SLC25A46: variants seen among roughly 807,000 people sequenced by gnomAD.
SLC25A46 encodes mitochondrial outer membrane protein SLC25A46.
Under a neutral mutation model 44.6 loss-of-function variants are expected in SLC25A46, and 39 were observed. That is an observed-to-expected ratio of 0.87 (90% CI 0.68 to 1.14). The LOEUF is 1.14. Ranked by LOEUF, SLC25A46 falls within the 50% of genes most tolerant of loss-of-function variation. SLC25A46 has a pLI of 0.00. For missense variants in SLC25A46, 547 were observed against 522.7 expected (o/e 1.05, Z -0.45); for synonymous variants, 202 against 185.8 (o/e 1.09, Z -0.71).
At chr5:110,745,276 C>T (rs1439053267) in intron 3 of SLC25A46, among the ~76,000 whole-genome samples, 1 of 151,684 alleles carries the variant, frequency 6.6e-6, no homozygotes, top group Non-Finnish European at 1.5e-5. Context: ...TTGTTTGAGA[C>T]GGAGTCTCGC....
In SLC25A46 at chr5:110,761,130, C is replaced by A. The variant is rs1439356588; in HGVS notation, c.679-74C>A. On this transcript the variant is annotated intron_variant, in intron 7 of 7. Transcript: ENST00000355943. This position sits in a 1 kb window ranked among gnomAD's most constrained non-coding sequence, Gnocchi z 5.3. ...TCACTATGTTAGGATTTAAAAGGAA[C>A]CTAAAAAGAGTCCTTTTTCTGTGGC... 6.0e-6 allele frequency: 7 copies of A among 1,160,672 alleles called. No homozygotes were observed. The highest frequency in any genetic ancestry group is 2.1e-4 in the Middle Eastern group (1 of 4,664). The allele number at this position is 1,160,672 out of a possible 1,614,324, so 71.9% of individuals were successfully genotyped here. A position where few individuals can be genotyped will look rare whatever the true frequency, so the allele number is the denominator to read the frequency against.
intron 5 of SLC25A46, among the ~76,000 whole-genome samples, chr5:110,751,552 T>C (rs141348997): frequency 6.6e-6 from 1 of 152,246 alleles, no homozygotes; most frequent in East Asian, 1.9e-4. Flanking sequence ...CTGTAGGCCA[T>C]TTTAAGAATA....
intron 5 of SLC25A46, among the ~76,000 whole-genome samples, chr5:110,753,121 A>T (rs550458227): frequency 6.6e-6 from 1 of 152,118 alleles, no homozygotes; most frequent in Non-Finnish European, 1.5e-5. Flanking sequence ...AGATTTAATG[A>T]CATGCAGATT....
Position 110,739,420 on chromosome 5 carries a change from C to T in SLC25A46, c.283+18C>T. On this transcript the variant is annotated intron_variant, in intron 1 of 7. Transcript: ENST00000355943. ...GAGCAGTGGTGAGAAGCATGGGGAC[C>T]GACACAGGGATGAGGGGTTACTGGG... 2 of 1,535,208 alleles carry T rather than the reference C, an allele frequency of 1.3e-6. No individual in the cohort carries two copies. Among genetic ancestry groups the T allele is most frequent in the Non-Finnish European group, 1.7e-6 (2 of 1,146,806 alleles).
chr5:110,761,777 A>G lies in SLC25A46; in HGVS notation c.1252A>G (p.Ile418Val), dbSNP rs1450034236. 1.2e-6 allele frequency: 2 copies of G among 1,604,132 alleles called. No individual in the cohort carries two copies. The highest frequency in any genetic ancestry group is 1.7e-6 in the Non-Finnish European group (2 of 1,175,176). Reference sequence around the variant, plus strand: ...TTACTCTACACTTCTTCAAAATAACATTTGAGATTTAGGTTCCTTCACTGA... The same window carrying G: ...TTACTCTACACTTCTTCAAAATAACGTTTGAGATTTAGGTTCCTTCACTGA... Reference protein sequence around the residue: ...IIYSTLLQNNI With the variant: ...IIYSTLLQNNV Residue 418 changes from isoleucine to valine, a missense_variant, in exon 8 of 8, where the codon ATT (isoleucine) becomes GTT (valine). Coordinates refer to ENST00000355943, the MANE Select transcript of SLC25A46 (RefSeq NM_138773.4). The surrounding 1 kb of genome is among the most constrained non-coding windows in gnomAD (Gnocchi z 5.3).
intron 1 of SLC25A46, 79 bp from the exon 2 acceptor site, chr5:110,741,967 TG>T: frequency 4.1e-6 from 4 of 980,324 alleles, no homozygotes; most frequent in Non-Finnish European, 4.6e-6. Context: ...TTTTTAAAAT[TG>T]TTTTGAGACT....
At chr5:110,746,038 TA>T (rs1799808672) in intron 3 of SLC25A46, 2 of 441,178 alleles carry the variant, frequency 4.5e-6, no homozygotes, top group Non-Finnish European at 8.0e-6. Context: ...TAGTCTACAG[TA>T]CTGTGTGTAT....
intron 5 of SLC25A46, among the ~76,000 whole-genome samples, chr5:110,748,915 TC>T: frequency 6.6e-6 from 1 of 152,302 alleles, no homozygotes; most frequent in South Asian, 2.1e-4. Context: ...GGAATGTGTT[TC>T]TTTTTTTAAT....
At position 110,755,062 on chromosome 5, in the gene SLC25A46, A is replaced by G. The variant is rs138148366; in HGVS notation, c.564-403A>G. ...ACATAAATGTAATGTGTCAGCCTGC[A>G]TTAGAGTTACTTAACTTTTTTAAAA... is the stretch of plus-strand genomic sequence containing the variant. On this transcript the variant is annotated intron_variant, in intron 5 of 7. Coordinates refer to ENST00000355943, the MANE Select transcript of SLC25A46 (RefSeq NM_138773.4). 739 of 155,838 alleles carry G rather than the reference A, an allele frequency of 4.7e-3. 4 individuals are homozygous for G. Among genetic ancestry groups the G allele is most frequent in the Middle Eastern group, 9.5e-3 (3 of 316 alleles). 9.7% of individuals were successfully genotyped at this position (155,838 alleles called of 1,614,324 possible).
Position 110,739,227 on chromosome 5 carries a change from G to C in SLC25A46, c.108G>C (p.Gly36=), listed in dbSNP as rs1799536788. Residue 36 remains glycine (G), a synonymous_variant, in exon 1 of 8, where the codon GGG becomes GGC. Coordinates refer to ENST00000355943, the MANE Select transcript of SLC25A46 (RefSeq NM_138773.4). ...GAFPARSFST[G]SDLGHWVTTP... ...TCCCTGCAAGGTCCTTCAGCACCGG[G>C]TCGGACCTGGGCCACTGGGTGACGA... 2 of 1,577,036 alleles carry C rather than the reference G, an allele frequency of 1.3e-6. No individual in the cohort carries two copies. The highest frequency in any genetic ancestry group is 1.7e-6 in the Non-Finnish European group (2 of 1,161,928).
In SLC25A46 at chr5:110,761,225, A is replaced by G. The variant is rs766100554; in HGVS notation, c.700A>G (p.Thr234Ala). ...TCAGAGTGAGATAATTCGAGATAATACTGGCATTTTGGAGTGTGTTAAAGA... is the reference window on the plus strand; with the variant it reads ...TCAGAGTGAGATAATTCGAGATAATGCTGGCATTTTGGAGTGTGTTAAAGA... The part of the protein sequence containing the change: ...TVQSEIIRDN[T>A]GILECVKEGI... Residue 234 changes from threonine (T) to alanine (A), a missense_variant, in exon 8 of 8, where the codon ACT becomes GCT. Physicochemically the swap from Thr to Ala is moderately conservative, Grantham distance 58 (BLOSUM62 0). Coordinates refer to ENST00000355943, the MANE Select transcript of SLC25A46 (RefSeq NM_138773.4). This position sits in a 1 kb window ranked among gnomAD's most constrained non-coding sequence, Gnocchi z 5.3. 2 of 1,603,276 alleles carry G rather than the reference A, an allele frequency of 1.2e-6. No individual in the cohort carries two copies. Among genetic ancestry groups the G allele is most frequent in the African/African-American group, 2.7e-5 (2 of 74,416 alleles).
intron 1 of SLC25A46, among the ~76,000 whole-genome samples, chr5:110,740,717 C>T (rs1042012308): frequency 6.6e-5 from 10 of 151,784 alleles, no homozygotes; most frequent in African/African-American, 2.2e-4. Context: ...TTTGGGAGGC[C>T]AAGGCGGGCG....
In SLC25A46 at chr5:110,742,033, T is replaced by G; in HGVS notation, c.284-14T>G. On this transcript the variant is annotated splice_polypyrimidine_tract_variant and intron_variant, in intron 1 of 7. Transcript: ENST00000355943. ...GTAATCTTATTTTTTTATTTCTATT[T>G]TTTTTTACTTTAGAACAGCTGAATA... is the stretch of plus-strand genomic sequence containing the variant. 1 of 1,537,194 alleles carries G rather than the reference T, an allele frequency of 6.5e-7. No homozygotes were observed. Among genetic ancestry groups the G allele is most frequent in the African/African-American group, 1.4e-5 (1 of 71,720 alleles).
rs1800306368 is a variant in SLC25A46 at position 110,763,295 on chromosome 5, A to G, written c.*1513A>G. ...ATTTTACTTGCTAAATGTCACAGAA[A>G]TGGTTACTTTTTGCAAATAGTAGTG... On this transcript the variant is annotated 3_prime_UTR_variant, in exon 8 of 8. Transcript: ENST00000355943. The G allele has an allele frequency of 2.0e-5, 3 of 152,026 alleles. No homozygotes were observed. Among genetic ancestry groups the G allele is most frequent in the East Asian group, 3.9e-4 (2 of 5,166 alleles). 9.4% of individuals were successfully genotyped at this position (152,026 alleles called of 1,614,324 possible).
At chr5:110,748,035 C>A in intron 4 of SLC25A46, 128 bp from the exon 5 acceptor site, 1 of 599,786 alleles carries the variant, frequency 1.7e-6, no homozygotes, top group Non-Finnish European at 2.9e-6. Flanking sequence ...AATTGTAGTT[C>A]TCTACTAATA....
At chr5:110,750,261 T>C (rs1799931774) in intron 5 of SLC25A46, among the ~76,000 whole-genome samples, 1 of 138,362 alleles carries the variant, frequency 7.2e-6, no homozygotes, top group Admixed American at 6.9e-5. Flanking sequence ...TGTTTTATTC[T>C]TTAAAAATCT....
At chr5:110,743,944 T>C (rs1479371127) in intron 3 of SLC25A46, among the ~76,000 whole-genome samples, 157 bp downstream of exon 3, 2 of 152,120 alleles carry the variant, frequency 1.3e-5, no homozygotes, top group African/African-American at 4.8e-5. Context: ...TAAAAAAATA[T>C]TGAGGATCCT....
chr5:110,738,910 C>T, upstream of SLC25A46: 1 of 1,323,918 alleles, frequency 7.6e-7, no homozygotes. Flanking sequence ...GTTACCGCCG[C>T]GTCTCCCTAG....
At chr5:110,743,124 A>C (rs1049042629) in intron 2 of SLC25A46, among the ~76,000 whole-genome samples, 4 of 152,034 alleles carry the variant, frequency 2.6e-5, no homozygotes, top group African/African-American at 9.7e-5. Context: ...ATGTATGTAT[A>C]TGTCACTCTG....
Sources: allele counts gnomAD v4.1 joint callset (sites outside exome capture counted in the v4.1 genomes callset), GRCh38; gene constraint gnomAD v4.1.1; non-coding constraint Gnocchi (gnomAD v3.1); transcripts MANE v1.5; gene names NCBI Gene and HGNC (gene_info 2026-07-23, HGNC 2026-07-21).